GREB1L: variants seen among roughly 807,000 people sequenced by gnomAD.
GREB1L encodes the protein GREB1-like protein.
A neutral mutation model predicts 200.8 loss-of-function variants in GREB1L; 17 were observed. That is an observed-to-expected ratio of 0.08 (90% confidence interval 0.06 to 0.13). The LOEUF is 0.13. Among genes scored for constraint, GREB1L ranks in the 10% least tolerant of loss-of-function variants. The pLI is 1.00. For missense variants in GREB1L, 1,657 were observed against 2,367.7 expected (o/e 0.70, Z 6.23); for synonymous variants, 789 against 893.0 (o/e 0.88, Z 2.08).
intron 1 of GREB1L, among the ~76,000 whole-genome samples, chr18:21,315,861 C>T (rs1473378524): frequency 2.6e-5 from 4 of 152,152 alleles, no homozygotes; most frequent in African/African-American, 9.7e-5. Flanking sequence ...CCTGCTCCGC[C>T]TCCCAGCTCT....
In GREB1L at chr18:21,490,099, G is replaced by A. The variant is rs538580442; in HGVS notation, c.2778G>A (p.Ala926=). ...CCCTGATGGCTCTCACCACCATGGC[G>A]TCACTCCGCGACCACAGCACACCAG... is the stretch of plus-strand genomic sequence containing the variant. ...SEALMALTTM[A]SLRDHSTPET... is the part of the protein sequence containing the mutation. Residue 926 remains alanine, a synonymous_variant, in exon 19 of 33, where the codon GCG becomes GCA. Coordinates refer to ENST00000424526, the MANE Select transcript of GREB1L (RefSeq NM_001142966.3). 16 of 1,551,830 alleles carry A rather than the reference G, an allele frequency of 1.0e-5. No individual in the cohort carries two copies. In the East Asian group the frequency reaches 2.7e-4, roughly 26 times the overall value.
At chr18:21,487,693 T>G (rs757977932) in intron 18 of GREB1L, among the ~76,000 whole-genome samples, 3 of 152,196 alleles carry the variant, frequency 2.0e-5, no homozygotes, top group Non-Finnish European at 2.9e-5. Flanking sequence ...CCTGAACTCA[T>G]TCTCTTTCTA....
intron 4 of GREB1L, 150 bp downstream of exon 4, chr18:21,384,553 T>A: frequency 1.5e-6 from 1 of 652,544 alleles, no homozygotes. Context: ...TCACATTATC[T>A]CCTGTGACTT....
At chr18:21,506,024 T>C in intron 25 of GREB1L, 75 bp downstream of exon 25, 1 of 1,418,442 alleles carries the variant, frequency 7.0e-7, no homozygotes, top group Non-Finnish European at 9.4e-7. Context: ...GGTGGAGGGA[T>C]GAAAAATAAG....
chr18:21,471,919 C>A (rs540703982), intron 15 of GREB1L, among the ~76,000 whole-genome samples: 1 of 152,338 alleles, frequency 6.6e-6, no homozygotes, highest in South Asian at 2.1e-4. Context: ...CCACACCCAG[C>A]CACAATCCAC....
intron 2 of GREB1L, among the ~76,000 whole-genome samples, chr18:21,366,581 G>A (rs2039687133): frequency 6.6e-6 from 1 of 151,314 alleles, no homozygotes; most frequent in South Asian, 2.1e-4. Flanking sequence ...TCTATTTTAG[G>A]AGGCTTTTAA....
At chr18:21,289,533 A>AC (rs1364888532) in intron 1 of GREB1L, among the ~76,000 whole-genome samples, 3 of 151,926 alleles carry the variant, frequency 2.0e-5, no homozygotes, top group African/African-American at 7.3e-5. Flanking sequence ...ACACAGTGAG[A>AC]CCATCCCCCC....
intron 1 of GREB1L, among the ~76,000 whole-genome samples, chr18:21,325,339 G>A (rs2039006402): frequency 6.6e-6 from 1 of 152,130 alleles, no homozygotes; most frequent in Non-Finnish European, 1.5e-5. Context: ...ACCTTTGGGA[G>A]ACAAATAACC....
At chr18:21,366,199 G>T (rs1006132364) in intron 2 of GREB1L, 63 bp downstream of exon 2, 2 of 152,070 alleles carry the variant, frequency 1.3e-5, no homozygotes, top group Non-Finnish European at 2.9e-5. Context: ...TTAGGAAGTT[G>T]TATTTAGAAT....
chr18:21,444,364 G>A lies in GREB1L; in HGVS notation c.1348G>A (p.Val450Met), dbSNP rs775869656. Residue 450 changes from valine (V) to methionine (M), a missense_variant, in exon 11 of 33, where the codon GTG becomes ATG. By Grantham distance (21) the Val-to-Met change is conservative. Transcript: ENST00000424526. ...GTTGACCGGCAGCCAATTTCTGAGC[G>A]TGGAAAACATGATTCTTCTGACGAT... ...LGLTGSQFLS[V>M]ENMILLTIQY... 2.4e-5 allele frequency: 38 copies of A among 1,552,286 alleles called. No homozygotes were observed. The highest frequency in any genetic ancestry group is 6.8e-5 in the African/African-American group (5 of 73,148).
At chr18:21,278,517 C>A (rs2382975) in intron 1 of GREB1L, among the ~76,000 whole-genome samples, 30,158 of 151,928 alleles carry the variant, frequency 0.2, 7,133 homozygotes, top group African/African-American at 0.57. Flanking sequence ...ACTTTTGCTT[C>A]GTACCTGAAT....
intron 1 of GREB1L, among the ~76,000 whole-genome samples, chr18:21,316,032 T>TCATC (rs930360175): frequency 4.6e-5 from 7 of 152,120 alleles, no homozygotes; most frequent in African/African-American, 1.7e-4. Context: ...CAGCACCTTT[T>TCATC]CATCGTGGCA....
At position 21,505,424 on chromosome 18, in the gene GREB1L, G is replaced by A. The variant is rs2036973742; in HGVS notation, c.4085G>A (p.Ser1362Asn). The change falls in exon 24 of 33, where the codon AGC becomes AAC. Residue 1362 changes from serine (S) to asparagine (N), a missense_variant. Physicochemically the swap from Ser to Asn is conservative, Grantham distance 46. Around this residue, in one of 9 missense-constraint regions of GREB1L, gnomAD observed 512 missense variants for 668.3 expected, o/e 0.77. Transcript: ENST00000424526. ...CTTCTTGTCCTAGATCACAATGAAA[G>A]CAGTGAAGTGAGCCAGTCAGAGGGA... ...EEEINTDHNE[S>N]SEVSQSEGEP... 6.4e-7 allele frequency: 1 copy of A among 1,551,064 alleles called. No individual in the cohort carries two copies. The highest frequency in any genetic ancestry group is 2.0e-5 in the Admixed American group (1 of 50,974).
At chr18:21,338,773 T>C (rs887396654) in intron 1 of GREB1L, among the ~76,000 whole-genome samples, 3 of 152,204 alleles carry the variant, frequency 2.0e-5, no homozygotes, top group African/African-American at 7.2e-5. Flanking sequence ...CTTTAGGAGG[T>C]TCCTTATATT....
chr18:21,295,518 T>C (rs1402437962), intron 1 of GREB1L, among the ~76,000 whole-genome samples: 2 of 152,136 alleles, frequency 1.3e-5, no homozygotes, highest in South Asian at 2.1e-4. Flanking sequence ...TTTTGTTTTG[T>C]TTTTTCTTTT....
intron 1 of GREB1L, among the ~76,000 whole-genome samples, chr18:21,286,829 T>A: frequency 6.6e-6 from 1 of 152,148 alleles, no homozygotes; most frequent in East Asian, 1.9e-4. Context: ...ATTTTGTTTT[T>A]AGAGATAGGG....
intron 1 of GREB1L, among the ~76,000 whole-genome samples, chr18:21,338,830 G>T (rs1224669784): frequency 6.6e-6 from 1 of 152,216 alleles, no homozygotes; most frequent in Non-Finnish European, 1.5e-5. Context: ...AGAATGAAAG[G>T]TTATAAAGGA....
Position 21,500,197 on chromosome 18 carries a change from A to T in GREB1L, c.3860A>T (p.Gln1287Leu). ...SSEEQSLYYRQWTLARQHHAD... is the reference protein window; with the variant it reads ...SSEEQSLYYRLWTLARQHHAD... ...GAGGAGCAGTCCCTCTACTACAGGCAGTGGACCTTGGCCCGGCAGCACCAC... is the reference window on the plus strand; with the variant it reads ...GAGGAGCAGTCCCTCTACTACAGGCTGTGGACCTTGGCCCGGCAGCACCAC... The change falls in exon 22 of 33, where the codon CAG (glutamine) becomes CTG (leucine). Residue 1287 changes from glutamine (Q) to leucine (L), a missense_variant. This residue lies in a region of GREB1L where 512 missense variants were observed against 668.3 expected (regional missense o/e 0.77). Transcript: ENST00000424526. The T allele has an allele frequency of 1.3e-6, 2 of 1,549,088 alleles. No homozygotes were observed. The highest frequency in any genetic ancestry group is 1.7e-6 in the Non-Finnish European group (2 of 1,146,744).
intron 1 of GREB1L, among the ~76,000 whole-genome samples, chr18:21,318,463 A>T (rs1459615303): frequency 6.6e-6 from 1 of 152,100 alleles, no homozygotes; most frequent in Admixed American, 6.5e-5. Flanking sequence ...CCTCTTAAAA[A>T]TTGGTCTAGA....
Sources: gnomAD v4.1 joint callset for allele counts (sites outside exome capture counted in the v4.1 genomes callset) on GRCh38, gnomAD v4.1.1 for gene constraint, gnomAD v4.1.1 regional missense constraint, MANE v1.5 for transcripts, NCBI Gene and HGNC (gene_info 2026-07-23, HGNC 2026-07-21) for gene names.